Variants in PGRMC2 observed in about 807,000 individuals in gnomAD.
The protein encoded by PGRMC2 is progesterone receptor membrane component 2.
PGRMC2 carries 9 observed loss-of-function variants against 19.3 expected under a neutral mutation model. The ratio of observed to expected loss-of-function variants is 0.47; its 90% CI spans 0.28 to 0.81. The LOEUF (loss-of-function observed/expected upper bound fraction) is 0.81. Among genes scored for constraint, PGRMC2 ranks in the 40% least tolerant of loss-of-function variants. The pLI, the probability that PGRMC2 is intolerant of heterozygous loss-of-function variation, is 0.11. For synonymous variants in PGRMC2, 157 were observed against 124.6 expected (o/e 1.26, Z -1.73); for missense variants, 289 against 297.3 (o/e 0.97, Z 0.21).
chr4:128,286,493 C>T (rs1168870567), intron 1 of PGRMC2, among the ~76,000 whole-genome samples: 1 of 152,110 alleles, frequency 6.6e-6, no homozygotes, highest in Non-Finnish European at 1.5e-5. Flanking sequence ...ATAACTGGCA[C>T]ATGGGGGTAT....
At chr4:128,280,249 G>A (rs1211113997) in intron 1 of PGRMC2, among the ~76,000 whole-genome samples, 1 of 145,040 alleles carries the variant, frequency 6.9e-6, no homozygotes, top group East Asian at 2.1e-4. Flanking sequence ...GAAAGATTAA[G>A]AGACATTAAG....
At chr4:128,286,789 G>T in intron 1 of PGRMC2, 1 of 396,452 alleles carries the variant, frequency 2.5e-6, no homozygotes, top group South Asian at 1.3e-4. Context: ...TATACGTCTG[G>T]ACTTCAGAGA....
At chr4:128,286,200 C>T (rs1241526663) in intron 1 of PGRMC2, among the ~76,000 whole-genome samples, 2 of 151,892 alleles carry the variant, frequency 1.3e-5, no homozygotes, top group Non-Finnish European at 2.9e-5. Flanking sequence ...GGTACTCTCT[C>T]CAATAACAGG....
intron 1 of PGRMC2, among the ~76,000 whole-genome samples, chr4:128,275,630 A>C (rs908230077): frequency 6.6e-6 from 1 of 152,204 alleles, no homozygotes; most frequent in Non-Finnish European, 1.5e-5. Context: ...TGTCTTCTCC[A>C]TATGTTTAGA....
chr4:128,283,958 CCTTT>C (rs1760946360), intron 1 of PGRMC2, among the ~76,000 whole-genome samples: 1 of 142,562 alleles, frequency 7.0e-6, no homozygotes. Flanking sequence ...CCGTGCCTGG[CCTTT>C]ATTTTTTTAT....
intron 2 of PGRMC2, 151 bp downstream of exon 2, chr4:128,272,211 C>A: frequency 2.0e-6 from 1 of 488,922 alleles, no homozygotes. Flanking sequence ...TGTGCCACTT[C>A]ACCCAGCTTT....
At chr4:128,277,250 T>C (rs1442973398) in intron 1 of PGRMC2, among the ~76,000 whole-genome samples, 3 of 152,216 alleles carry the variant, frequency 2.0e-5, no homozygotes, top group Non-Finnish European at 4.4e-5. Context: ...TAGTTTTCAG[T>C]GTCAATCCAA....
rs1217668284 is a variant in PGRMC2 at position 128,287,598 on chromosome 4, G to GCACCAGAGC, written c.184_192dup (p.Ala62_Val64dup). 12 of 1,280,258 alleles carry GCACCAGAGC rather than the reference G, an allele frequency of 9.4e-6. No homozygotes were observed. Among genetic ancestry groups the GCACCAGAGC allele is most frequent in the Non-Finnish European group, 1.2e-5 (12 of 984,860 alleles). 79.3% of individuals were successfully genotyped at this position (1,280,258 alleles called of 1,614,324 possible). A position where few individuals can be genotyped will look rare whatever the true frequency, so the allele number is the denominator to read the frequency against. The stretch of plus-strand genomic sequence containing the variant: ...ACCCACAGCCGGTAGGCCCCCAGCA[G>GCACCAGAGC]CACCAGAGCCACCAGCGCCACGTTC... On this transcript the variant is annotated inframe_insertion, in exon 1 of 3. Coordinates refer to ENST00000296425, the MANE Select transcript of PGRMC2 (RefSeq NM_006320.6).
intron 1 of PGRMC2, among the ~76,000 whole-genome samples, chr4:128,274,703 T>C (rs1275836463): frequency 1.3e-5 from 2 of 151,826 alleles, no homozygotes; most frequent in African/African-American, 4.8e-5. Context: ...AAAAAATCTA[T>C]AAACATTATA....
chr4:128,275,018 G>C (rs1012924719), intron 1 of PGRMC2, among the ~76,000 whole-genome samples: 1 of 152,112 alleles, frequency 6.6e-6, no homozygotes, highest in Non-Finnish European at 1.5e-5. Context: ...ATCCTCCAGT[G>C]TACCTCAAGA....
At chr4:128,284,166 G>A (rs527452836) in intron 1 of PGRMC2, among the ~76,000 whole-genome samples, 2 of 152,150 alleles carry the variant, frequency 1.3e-5, no homozygotes, top group East Asian at 3.9e-4. Context: ...AACCAGGGAA[G>A]AGTATAAAGA....
At chr4:128,271,533 C>G (rs1348679331) in intron 2 of PGRMC2, 120 bp from the exon 3 acceptor site, 3 of 546,868 alleles carry the variant, frequency 5.5e-6, no homozygotes, top group Non-Finnish European at 9.6e-6. Context: ...AGAATATTAT[C>G]TAAATATTCT....
At chr4:128,276,332 ATTTG>A (rs1022656654) in intron 1 of PGRMC2, among the ~76,000 whole-genome samples, 4 of 149,754 alleles carry the variant, frequency 2.7e-5, no homozygotes, top group Non-Finnish European at 5.9e-5. Flanking sequence ...TAATTTATTT[ATTTG>A]TATTAGTATT....
chr4:128,285,375 C>T (rs560159180), intron 1 of PGRMC2, among the ~76,000 whole-genome samples: 149 of 152,240 alleles, frequency 9.8e-4, no homozygotes, highest in South Asian at 3.3e-3. Context: ...GTGATCCACC[C>T]GCCTCGGCCT....
At chr4:128,278,367 G>C (rs962025095) in intron 1 of PGRMC2, among the ~76,000 whole-genome samples, 3 of 151,876 alleles carry the variant, frequency 2.0e-5, no homozygotes, top group Admixed American at 6.6e-5. Flanking sequence ...TCAGGAGTTT[G>C]AGACCAACCT....
intron 1 of PGRMC2, among the ~76,000 whole-genome samples, chr4:128,276,141 A>G (rs1760808352): frequency 6.6e-6 from 1 of 152,188 alleles, no homozygotes; most frequent in East Asian, 1.9e-4. Flanking sequence ...TCATAATACA[A>G]CCAGGAGCTT....
At chr4:128,283,211 CTG>C (rs1209327119) in intron 1 of PGRMC2, among the ~76,000 whole-genome samples, 1 of 152,138 alleles carries the variant, frequency 6.6e-6, no homozygotes, top group African/African-American at 2.4e-5. Flanking sequence ...ACATGTGAAA[CTG>C]AATAGACTAT....
In PGRMC2 at chr4:128,287,492, T is replaced by G. The variant is rs1761003042; in HGVS notation, c.299A>C (p.Lys100Thr). The change falls in exon 1 of 3, where the codon AAG becomes ACG. Residue 100 changes from lysine (K) to threonine (T), a missense_variant. Coordinates refer to ENST00000296425, the MANE Select transcript of PGRMC2 (RefSeq NM_006320.6). ...SPATSLPRMKKRDFSLEQLRQ... is the reference protein window; with the variant it reads ...SPATSLPRMKTRDFSLEQLRQ... ...CAGCTGCTCCAAGCTGAAGTCCCGC[T>G]TCTTCATGCGAGGCAGAGAGGTGGC... 1.9e-6 allele frequency: 3 copies of G among 1,613,310 alleles called. No homozygotes were observed. Among genetic ancestry groups the G allele is most frequent in the East Asian group, 4.5e-5 (2 of 44,858 alleles).
Position 128,271,100 on chromosome 4 carries a change from C to T in PGRMC2, c.*216G>A, listed in dbSNP as rs1760722210. 1 of 359,432 alleles carries T rather than the reference C, an allele frequency of 2.8e-6. No homozygotes were observed. The highest frequency in any genetic ancestry group is 4.7e-5 in the Admixed American group (1 of 21,466). 22.3% of individuals were successfully genotyped at this position (359,432 alleles called of 1,614,324 possible). A position where few individuals can be genotyped will look rare whatever the true frequency, so the allele number is the denominator to read the frequency against. On this transcript the variant is annotated 3_prime_UTR_variant, in exon 3 of 3. Coordinates refer to ENST00000296425, the MANE Select transcript of PGRMC2 (RefSeq NM_006320.6). ...TCTCCTTCTTTTCAGGATGATGAAG[C>T]CCCACTAGACATTACAAACAACTGC... is the stretch of plus-strand genomic sequence containing the variant.
Sources: gnomAD v4.1 joint callset for allele counts (sites outside exome capture counted in the v4.1 genomes callset) on GRCh38, gnomAD v4.1.1 for gene constraint, MANE v1.5 for transcripts, NCBI Gene and HGNC (gene_info 2026-07-23, HGNC 2026-07-21) for gene names.